The following DNAJC10 variants were observed in gnomAD, a reference collection of about 807,000 sequenced individuals.
DNAJC10 encodes the protein endoplasmic reticulum disulfide reductase DNAJC10.
A neutral mutation model predicts 115.0 loss-of-function variants in DNAJC10; 101 were observed. The observed-to-expected ratio is 0.88, with a 90% confidence interval of 0.75 to 1.04. DNAJC10 has a LOEUF of 1.04. DNAJC10 is among the 50% of genes least tolerant of loss of function. The probability of loss-of-function intolerance (pLI) is 0.00; values close to 1 mark genes in which losing one functional copy is unlikely to be tolerated. For missense variants in DNAJC10, 981 were observed against 928.8 expected (o/e 1.06, Z -0.73); for synonymous variants, 307 against 301.5 (o/e 1.02, Z -0.19).
intron 10 of DNAJC10, among the ~76,000 whole-genome samples, chr2:182,735,837 A>T (rs1323060073): frequency 6.6e-6 from 1 of 152,174 alleles, no homozygotes; most frequent in East Asian, 1.9e-4. Context: ...ACATACAGAG[A>T]ATGTCTCATA....
Position 182,775,349 on chromosome 2 carries a change from G to T in DNAJC10, c.2299G>T (p.Asp767Tyr). The T allele has an allele frequency of 2.5e-6, 4 of 1,612,724 alleles. No homozygotes were observed. Among genetic ancestry groups the T allele is most frequent in the Non-Finnish European group, 3.4e-6 (4 of 1,179,150 alleles). The change falls in exon 23 of 24, where the codon GAT (aspartate) becomes TAT (tyrosine). Residue 767 changes from aspartate to tyrosine, a missense_variant. Asp to Tyr is a radical substitution (Grantham distance 160). Coordinates refer to ENST00000264065, the MANE Select transcript of DNAJC10 (RefSeq NM_018981.4). ...NFQEEQINTR[D>Y]AKAIAALISE... Reference sequence around the variant, plus strand: ...TCAAGAAGAGCAGATAAATACCAGAGATGCAAAAGCAATCGCTGCCTTAAT... The same window carrying T: ...TCAAGAAGAGCAGATAAATACCAGATATGCAAAAGCAATCGCTGCCTTAAT...
At chr2:182,752,290 T>C in intron 16 of DNAJC10, 102 bp downstream of exon 16, 1 of 540,924 alleles carries the variant, frequency 1.8e-6, no homozygotes, top group Non-Finnish European at 3.0e-6. Flanking sequence ...ATAATACATC[T>C]TCTATTTAGA....
intron 21 of DNAJC10, among the ~76,000 whole-genome samples, chr2:182,762,170 A>G (rs75078366): frequency 5.4e-5 from 8 of 149,156 alleles, no homozygotes; most frequent in African/African-American, 1.2e-4. Context: ...AAAAAAAAAA[A>G]AGAGAGAGAG....
chr2:182,787,367 C>T lies in DNAJC10; in HGVS notation c.*10235C>T, dbSNP rs288307. 97,490 of 152,052 alleles carry T rather than the reference C, an allele frequency of 0.64. 31,597 individuals are homozygous for T. The highest frequency in any genetic ancestry group is 0.73 in the Middle Eastern group (215 of 294). The allele number at this position is 152,052 out of a possible 1,614,324, so 9.4% of individuals were successfully genotyped here. On this transcript the variant is annotated 3_prime_UTR_variant, in exon 24 of 24. Transcript: ENST00000264065. ...ATAGGGTGGGCCTACTGTCTCTTCCCACTGTTTACCTGGTGTTTTGATTCT... is the reference window on the plus strand; with the variant it reads ...ATAGGGTGGGCCTACTGTCTCTTCCTACTGTTTACCTGGTGTTTTGATTCT...
intron 2 of DNAJC10, among the ~76,000 whole-genome samples, chr2:182,717,523 T>C (rs1341604019): frequency 1.3e-5 from 2 of 152,202 alleles, no homozygotes; most frequent in Non-Finnish European, 2.9e-5. Flanking sequence ...CCCAAGGACA[T>C]TTCCTACAAG....
intron 22 of DNAJC10, among the ~76,000 whole-genome samples, chr2:182,764,544 T>A (rs1694363294): frequency 6.6e-6 from 1 of 152,132 alleles, no homozygotes. Context: ...TGACACAGGT[T>A]ATATTTAATT....
chr2:182,735,779 CT>C (rs1261634630), intron 10 of DNAJC10, among the ~76,000 whole-genome samples: 4 of 152,188 alleles, frequency 2.6e-5, no homozygotes, highest in African/African-American at 9.6e-5. Flanking sequence ...AGCTTAGCCA[CT>C]GTAGATGAAA....
intron 22 of DNAJC10, among the ~76,000 whole-genome samples, chr2:182,763,235 C>T (rs1046792939): frequency 5.3e-5 from 8 of 152,006 alleles, no homozygotes; most frequent in Admixed American, 3.3e-4. Flanking sequence ...GAATAAGTTT[C>T]AAAGTAATGA....
intron 21 of DNAJC10, among the ~76,000 whole-genome samples, chr2:182,760,309 G>A (rs933250729): frequency 5.3e-5 from 8 of 152,154 alleles, no homozygotes; most frequent in African/African-American, 1.7e-4. Flanking sequence ...GTTATCAAGT[G>A]TACTGATACA....
chr2:182,785,978 A>T lies in DNAJC10; in HGVS notation c.*8846A>T, dbSNP rs1209215759. Reference sequence around the variant, plus strand: ...CAGGATCTGAGAGAAACCAAAAAAAAGTGGGGAGATAATAATCCAGGGACT... The same window carrying T: ...CAGGATCTGAGAGAAACCAAAAAAATGTGGGGAGATAATAATCCAGGGACT... On this transcript the variant is annotated 3_prime_UTR_variant, in exon 24 of 24. Coordinates refer to ENST00000264065, the MANE Select transcript of DNAJC10 (RefSeq NM_018981.4). 6.6e-6 allele frequency: 1 copy of T among 152,154 alleles called. No homozygotes were observed. Among genetic ancestry groups the T allele is most frequent in the Non-Finnish European group, 1.5e-5 (1 of 68,026 alleles). The allele number at this position is 152,154 out of a possible 1,614,324, so 9.4% of individuals were successfully genotyped here. A position where few individuals can be genotyped will look rare whatever the true frequency, so the allele number is the denominator to read the frequency against.
chr2:182,758,890 G>C lies in DNAJC10; in HGVS notation c.1997G>C (p.Gly666Ala), dbSNP rs373979148. 1.8e-5 allele frequency: 28 copies of C among 1,592,208 alleles called. No homozygotes were observed. Among genetic ancestry groups the C allele is most frequent in the Non-Finnish European group, 2.4e-5 (28 of 1,160,846 alleles). Residue 666 changes from glycine (G) to alanine (A), a missense_variant and splice_region_variant, in exon 20 of 24, where the codon GGA becomes GCA. Physicochemically the swap from Gly to Ala is moderately conservative, Grantham distance 60 (BLOSUM62 0). Transcript: ENST00000264065. Reference sequence around the variant, plus strand: ...TATTCCCTGAGAATCTGGGGTCTAGGGTGAGTAATTAAAATATATATCATT... The same window carrying C: ...TATTCCCTGAGAATCTGGGGTCTAGCGTGAGTAATTAAAATATATATCATT... The part of the protein sequence containing the change: ...DAYSLRIWGL[G>A]FLPQVSTDLT...
chr2:182,751,423 T>C (rs386134), intron 14 of DNAJC10, among the ~76,000 whole-genome samples: 151,837 of 152,230 alleles, frequency 1, 75,722 homozygotes, highest in East Asian at 1. Flanking sequence ...CGTGAGCCAC[T>C]GCACCTGGCC....
intron 21 of DNAJC10, among the ~76,000 whole-genome samples, chr2:182,760,308 T>C (rs1694258089): frequency 6.6e-6 from 1 of 152,242 alleles, no homozygotes; most frequent in Non-Finnish European, 1.5e-5. Flanking sequence ...TGTTATCAAG[T>C]GTACTGATAC....
At chr2:182,734,726 T>C (rs906818587) in intron 10 of DNAJC10, among the ~76,000 whole-genome samples, 3 of 151,840 alleles carry the variant, frequency 2.0e-5, no homozygotes, top group Non-Finnish European at 4.4e-5. Flanking sequence ...TTTTATTATC[T>C]ATTTTGATGC....
At chr2:182,740,703 C>T (rs377686146) in intron 12 of DNAJC10, among the ~76,000 whole-genome samples, 10 of 152,146 alleles carry the variant, frequency 6.6e-5, no homozygotes, top group African/African-American at 2.4e-4. Flanking sequence ...GCTTACAGAA[C>T]GGATTATATT....
intron 22 of DNAJC10, among the ~76,000 whole-genome samples, chr2:182,770,097 T>A (rs1383895733): frequency 6.6e-6 from 1 of 152,236 alleles, no homozygotes; most frequent in Non-Finnish European, 1.5e-5. Context: ...CTTGTTTTTG[T>A]CAGGTTTGTC....
intron 15 of DNAJC10, 103 bp downstream of exon 15, chr2:182,751,888 T>C: frequency 6.9e-7 from 1 of 1,440,480 alleles, no homozygotes; most frequent in Non-Finnish European, 9.5e-7. Flanking sequence ...ACAAAAACTG[T>C]GTCATTCCAT....
chr2:182,729,677 C>A (rs1012772317), intron 7 of DNAJC10, among the ~76,000 whole-genome samples, 171 bp from the exon 8 acceptor site: 5 of 152,116 alleles, frequency 3.3e-5, no homozygotes, highest in African/African-American at 1.2e-4. Context: ...TCCATAGAAT[C>A]TGTACTGTCA....
rs1388450349 is a variant in DNAJC10 at position 182,788,236 on chromosome 2, G to A, written c.*11104G>A. ...GCATACCCCTCAGAGCACTCAAAGAGATCCGGAAGTGTGCCACAAAGGAAA... is the reference window on the plus strand; with the variant it reads ...GCATACCCCTCAGAGCACTCAAAGAAATCCGGAAGTGTGCCACAAAGGAAA... On this transcript the variant is annotated 3_prime_UTR_variant, in exon 24 of 24. Transcript: ENST00000264065. The A allele has an allele frequency of 6.2e-6, 1 of 160,930 alleles. No individual in the cohort carries two copies. Among genetic ancestry groups the A allele is most frequent in the Non-Finnish European group, 1.3e-5 (1 of 74,260 alleles). The allele number at this position is 160,930 out of a possible 1,614,324, so 10.0% of individuals were successfully genotyped here.
Sources: gnomAD v4.1 joint callset for allele counts (sites outside exome capture counted in the v4.1 genomes callset) on GRCh38, gnomAD v4.1.1 for gene constraint, MANE v1.5 for transcripts, NCBI Gene and HGNC (gene_info 2026-07-23, HGNC 2026-07-21) for gene names.